Variants in CELSR1 observed in about 807,000 individuals in gnomAD.
CELSR1 encodes the protein adhesion G protein-coupled receptor C1.
CELSR1 carries 110 observed loss-of-function variants against 249.1 expected under a neutral mutation model. That is an observed-to-expected ratio of 0.44 (90% CI 0.38 to 0.52). CELSR1 has a LOEUF of 0.52. Among genes scored for constraint, CELSR1 ranks in the 20% least tolerant of loss-of-function variants. The probability of loss-of-function intolerance (pLI) is 0.00; values close to 1 mark genes in which losing one functional copy is unlikely to be tolerated. For missense variants in CELSR1, 4,109 were observed against 4,296.4 expected (o/e 0.96, Z 1.22); for synonymous variants, 2,113 against 1,900.0 (o/e 1.11, Z -2.92).
chr22:46,491,993 G>T (rs749144178), intron 1 of CELSR1, among the ~76,000 whole-genome samples: 1 of 152,178 alleles, frequency 6.6e-6, no homozygotes, highest in South Asian at 2.1e-4. Context: ...TTCACCCCAC[G>T]TCTGTTTCAC....
Position 46,535,889 on chromosome 22 carries a change from C to T in CELSR1, c.1282G>A (p.Glu428Lys). 2 of 1,609,878 alleles carry T rather than the reference C, an allele frequency of 1.2e-6. No homozygotes were observed. The highest frequency in any genetic ancestry group is 1.6e-4 in the Middle Eastern group (1 of 6,062). The change falls in exon 1 of 35, where the codon GAG (glutamate) becomes AAG (lysine). Residue 428 changes from glutamate (E) to lysine (K), a missense_variant. Glu to Lys is a moderately conservative substitution (Grantham distance 56). Transcript: ENST00000674500. ...EEAAEYQLLV[E>K]ANDQGRNPGP... ...GGATTGCGCCCCTGGTCGTTGGCCTCCACCAGGAGCTGGTACTCGGCCGCC... is the reference window on the plus strand; with the variant it reads ...GGATTGCGCCCCTGGTCGTTGGCCTTCACCAGGAGCTGGTACTCGGCCGCC...
At chr22:46,420,411 C>G (rs558309501) in intron 5 of CELSR1, among the ~76,000 whole-genome samples, 42 of 152,240 alleles carry the variant, frequency 2.8e-4, no homozygotes, top group Admixed American at 6.5e-4. Flanking sequence ...TACACGTGTG[C>G]TTCTTCACAC....
chr22:46,446,101 C>T lies in CELSR1; in HGVS notation c.4184-6690G>A, dbSNP rs924423834. ...ATAAAGACCCCAGCCTAAGGGGTCC[C>T]AGGGCCCAGCCCCCAGCCACACACC... On this transcript the variant is annotated intron_variant, in intron 2 of 34. Coordinates refer to ENST00000674500, the MANE Select transcript of CELSR1 (RefSeq NM_001378328.1). The surrounding 1 kb of genome is among the most constrained non-coding windows in gnomAD (Gnocchi z 5.5). 7.2e-5 allele frequency among the ~76,000 whole-genome samples: 11 copies of T among 152,182 alleles called. No homozygotes were observed. Among genetic ancestry groups the T allele is most frequent in the African/African-American group, 2.4e-4 (10 of 41,438 alleles).
rs1377064481 is a variant in CELSR1 at position 46,536,019 on chromosome 22, G to A, written c.1152C>T (p.Ile384=). The A allele has an allele frequency of 6.2e-7, 1 of 1,610,668 alleles. No individual in the cohort carries two copies. Among genetic ancestry groups the A allele is most frequent in the South Asian group, 1.1e-5 (1 of 91,082 alleles). The change falls in exon 1 of 35, where the codon ATC becomes ATT. Residue 384 remains isoleucine, a synonymous_variant. Transcript: ENST00000674500. ...TIRASDRDSP[I]NANLRYRVLG... is the part of the protein sequence containing the mutation. ...ACACGCGGTAACGCAAGTTGGCGTT[G>A]ATGGGCGAGTCGCGGTCGCTGGCGC... is the stretch of plus-strand genomic sequence containing the variant.
chr22:46,415,977 GAA>G (rs2079395844), intron 5 of CELSR1, among the ~76,000 whole-genome samples: 1 of 152,254 alleles, frequency 6.6e-6, no homozygotes. Flanking sequence ...CGGCGGCAGA[GAA>G]AAGACTACGT....
At chr22:46,425,843 G>A (rs1416941584) in intron 5 of CELSR1, among the ~76,000 whole-genome samples, 1 of 151,948 alleles carries the variant, frequency 6.6e-6, no homozygotes, top group Non-Finnish European at 1.5e-5. Context: ...CTTATTCTAG[G>A]TTCTTGAAGC....
chr22:46,390,551 C>A lies in CELSR1; in HGVS notation c.6251-65G>T. ...ACTGTTGATCAATGCTTGTGTATTT[C>A]AATCCACAATCTGAATATACTTAAA... On this transcript the variant is annotated intron_variant, in intron 16 of 34. Transcript: ENST00000674500. The surrounding 1 kb of genome is among the most constrained non-coding windows in gnomAD (Gnocchi z 6.3). The A allele has an allele frequency of 7.8e-7, 1 of 1,281,628 alleles. No homozygotes were observed. The highest frequency in any genetic ancestry group is 1.1e-6 in the Non-Finnish European group (1 of 894,040). 79.4% of individuals were successfully genotyped at this position (1,281,628 alleles called of 1,614,324 possible).
chr22:46,414,911 T>C (rs912022829), intron 5 of CELSR1, among the ~76,000 whole-genome samples: 10 of 152,100 alleles, frequency 6.6e-5, no homozygotes, highest in Non-Finnish European at 1.0e-4. Flanking sequence ...GGGCAAACTG[T>C]GGCCCATCCC....
At chr22:46,365,452 G>A in intron 31 of CELSR1, 72 bp from the exon 32 acceptor site, 2 of 1,581,656 alleles carry the variant, frequency 1.3e-6, no homozygotes, top group Non-Finnish European at 1.7e-6. Context: ...GCCAAGCAGA[G>A]CCACTGGGCC....
intron 1 of CELSR1, among the ~76,000 whole-genome samples, chr22:46,487,299 A>G (rs549868617): frequency 4.1e-4 from 62 of 152,048 alleles, no homozygotes; most frequent in African/African-American, 1.2e-3. Flanking sequence ...ATTCATTCAT[A>G]ATTAAAAACT....
rs1022097326 is a variant in CELSR1, at chr22:46,434,771, C to T, written c.4523-1290G>A. On this transcript the variant is annotated intron_variant, in intron 4 of 34. Transcript: ENST00000674500. This position sits in a 1 kb window ranked among gnomAD's most constrained non-coding sequence, Gnocchi z 4.9. Reference sequence around the variant, plus strand: ...CAGCACTTTGGGAGGCCAAGGTGGGCGGATCACTTGAGGTCAGGAGTTCAA... The same window carrying T: ...CAGCACTTTGGGAGGCCAAGGTGGGTGGATCACTTGAGGTCAGGAGTTCAA... Among the ~76,000 whole-genome samples the T allele has an allele frequency of 7.2e-5, 11 of 151,998 alleles. No homozygotes were observed. The highest frequency in any genetic ancestry group is 2.6e-4 in the Admixed American group (4 of 15,258).
At chr22:46,452,138 A>G (rs2079893071) in intron 2 of CELSR1, among the ~76,000 whole-genome samples, 1 of 151,404 alleles carries the variant, frequency 6.6e-6, no homozygotes, top group Non-Finnish European at 1.5e-5. Flanking sequence ...CCGGTTTGTG[A>G]TCACTTATCA....
At chr22:46,491,620 C>T (rs1178191245) in intron 1 of CELSR1, among the ~76,000 whole-genome samples, 1 of 109,894 alleles carries the variant, frequency 9.1e-6, no homozygotes, top group Admixed American at 1.0e-4. Context: ...GAAACATAGT[C>T]TCTATTCTCT....
At chr22:46,365,460 GC>G (rs2078758395) in intron 31 of CELSR1, 80 bp from the exon 32 acceptor site, 1 of 1,576,486 alleles carries the variant, frequency 6.3e-7, no homozygotes. Context: ...GAGCCACTGG[GC>G]CCCTGGCATG....
At position 46,395,000 on chromosome 22, in the gene CELSR1, C is replaced by T. The variant is rs749784831; in HGVS notation, c.5844-738G>A. Among the ~76,000 whole-genome samples, 8 of 152,312 alleles carry T rather than the reference C, an allele frequency of 5.3e-5. No homozygotes were observed. The South Asian group carries it at 1.0e-3, about 20-fold the overall frequency. On this transcript the variant is annotated intron_variant, in intron 13 of 34. Coordinates refer to ENST00000674500, the MANE Select transcript of CELSR1 (RefSeq NM_001378328.1). ...CCCACCTGCCTGCAACGGCCCCGCC[C>T]GAGTGTCCTGCGGGCTCCTGCAATC...
intron 5 of CELSR1, among the ~76,000 whole-genome samples, chr22:46,424,544 C>T (rs1199661223): frequency 6.6e-6 from 1 of 152,162 alleles, no homozygotes; most frequent in African/African-American, 2.4e-5. Context: ...AACACTGACA[C>T]AGTCCAGACA....
At chr22:46,522,983 G>A (rs933220477) in intron 1 of CELSR1, among the ~76,000 whole-genome samples, 4 of 152,238 alleles carry the variant, frequency 2.6e-5, no homozygotes, top group South Asian at 2.1e-4. Context: ...GGCCGACAGC[G>A]GAACTGCAGG....
intron 5 of CELSR1, among the ~76,000 whole-genome samples, chr22:46,422,008 A>G: frequency 6.6e-6 from 1 of 152,272 alleles, no homozygotes; most frequent in East Asian, 1.9e-4. Flanking sequence ...CTCCTTTATC[A>G]TAAGGATTTT....
intron 12 of CELSR1, 78 bp downstream of exon 12, chr22:46,397,596 C>G: frequency 3.8e-6 from 5 of 1,323,346 alleles, no homozygotes; most frequent in Non-Finnish European, 4.9e-6. Flanking sequence ...ACGCTAATGT[C>G]TAAACTGAGC....
Sources: allele counts gnomAD v4.1 joint callset (sites outside exome capture counted in the v4.1 genomes callset), GRCh38; gene constraint gnomAD v4.1.1; non-coding constraint Gnocchi (gnomAD v3.1); transcripts MANE v1.5; gene names NCBI Gene and HGNC (gene_info 2026-07-23, HGNC 2026-07-21).